The following CERKL variants were observed in gnomAD, a reference collection of about 807,000 sequenced individuals.
The protein encoded by CERKL is ceramide kinase-like protein.
A neutral mutation model predicts 63.4 loss-of-function variants in CERKL; 61 were observed. The ratio of observed to expected loss-of-function variants is 0.96; its 90% CI spans 0.78 to 1.19. CERKL has a LOEUF of 1.19. Ranked by LOEUF, CERKL falls within the 50% of genes most tolerant of loss-of-function variation. The pLI, the probability that CERKL is intolerant of heterozygous loss-of-function variation, is 0.00. For synonymous variants in CERKL, 250 were observed against 230.5 expected (o/e 1.08, Z -0.77); for missense variants, 675 against 655.5 (o/e 1.03, Z -0.33).
chr2:181,631,653 C>T (rs1686962808), intron 1 of CERKL, among the ~76,000 whole-genome samples: 1 of 152,130 alleles, frequency 6.6e-6, no homozygotes, highest in African/African-American at 2.4e-5. Flanking sequence ...TGAGGAAGGT[C>T]CCATATGGAG....
At chr2:181,554,431 A>G (rs998043698) in intron 5 of CERKL, among the ~76,000 whole-genome samples, 3 of 152,176 alleles carry the variant, frequency 2.0e-5, no homozygotes, top group African/African-American at 4.8e-5. Flanking sequence ...ATTGGAAAGC[A>G]TGAATTTATT....
intron 1 of CERKL, among the ~76,000 whole-genome samples, chr2:181,610,703 CACA>C (rs1277128827): frequency 1.3e-5 from 2 of 152,100 alleles, no homozygotes; most frequent in African/African-American, 2.4e-5. Context: ...GTGGAAAACA[CACA>C]ACAAATTTAA....
intron 3 of CERKL, among the ~76,000 whole-genome samples, chr2:181,568,869 T>A (rs1210309799): frequency 1.4e-5 from 2 of 138,450 alleles, no homozygotes; most frequent in Non-Finnish European, 3.1e-5. Flanking sequence ...CAGAGTGTGA[T>A]ATTCCCCTTC....
intron 1 of CERKL, among the ~76,000 whole-genome samples, chr2:181,631,462 C>G (rs768107881): frequency 2.0e-5 from 3 of 152,062 alleles, no homozygotes; most frequent in Non-Finnish European, 4.4e-5. Flanking sequence ...AGAAAAATGG[C>G]CCTTTAACCA....
intron 2 of CERKL, among the ~76,000 whole-genome samples, chr2:181,596,004 T>A (rs1197723211): frequency 1.3e-5 from 2 of 152,190 alleles, no homozygotes; most frequent in Non-Finnish European, 2.9e-5. Context: ...CATGTTAACT[T>A]ATTTAACAGC....
intron 1 of CERKL, among the ~76,000 whole-genome samples, chr2:181,646,607 A>G (rs997363862): frequency 1.3e-5 from 2 of 152,240 alleles, no homozygotes; most frequent in African/African-American, 4.8e-5. Flanking sequence ...AATGAGGAAC[A>G]GCAGATCAGA....
chr2:181,606,028 T>C (rs1228080266), intron 1 of CERKL, among the ~76,000 whole-genome samples: 1 of 126,544 alleles, frequency 7.9e-6, no homozygotes, highest in Non-Finnish European at 1.7e-5. Flanking sequence ...ATGGAAGGAA[T>C]GAAAGAGAGA....
chr2:181,547,663 G>C lies in CERKL; in HGVS notation c.1223C>G (p.Pro408Arg). The C allele has an allele frequency of 6.2e-7, 1 of 1,614,002 alleles. No individual in the cohort carries two copies. Among genetic ancestry groups the C allele is most frequent in the Non-Finnish European group, 8.5e-7 (1 of 1,179,922 alleles). ...TCTAGGTGCCACTGAACACAGGCAA[G>C]GAATTGCCATAATGCTGACATTCAA... is the stretch of plus-strand genomic sequence containing the variant. ...QFLNVSIMAIPCLCSVAPRGL... is the reference protein window; with the variant it reads ...QFLNVSIMAIRCLCSVAPRGL... Residue 408 changes from proline to arginine, a missense_variant, in exon 10 of 13, where the codon CCT (proline) becomes CGT (arginine). Physicochemically the swap from Pro to Arg is moderately radical, Grantham distance 103 (BLOSUM62 -2). Transcript: ENST00000410087.
At chr2:181,643,987 A>G (rs1312849910) in intron 1 of CERKL, among the ~76,000 whole-genome samples, 3 of 152,214 alleles carry the variant, frequency 2.0e-5, no homozygotes, top group Non-Finnish European at 4.4e-5. Context: ...ATGTCCCAAA[A>G]GTTTTTCCTT....
intron 2 of CERKL, chr2:181,603,592 G>T: frequency 2.1e-6 from 1 of 479,880 alleles, no homozygotes; most frequent in South Asian, 2.0e-5. Flanking sequence ...ATGCAAGGAT[G>T]TTAAACATAT....
intron 7 of CERKL, 30 bp from the exon 8 acceptor site, chr2:181,548,634 G>T (rs1574436938): frequency 2.5e-6 from 4 of 1,611,378 alleles, no homozygotes; most frequent in Non-Finnish European, 2.5e-6. Context: ...GTTATTAACA[G>T]TCATTGAACC....
At chr2:181,638,701 T>C (rs539474860) in intron 1 of CERKL, among the ~76,000 whole-genome samples, 1 of 152,004 alleles carries the variant, frequency 6.6e-6, no homozygotes, top group Non-Finnish European at 1.5e-5. Context: ...TTCAGAGGAG[T>C]TGAGGTCCTA....
chr2:181,537,268 A>C lies in CERKL; in HGVS notation c.*916T>G, dbSNP rs1416683494. The C allele has an allele frequency of 2.2e-6, 1 of 453,690 alleles. No individual in the cohort carries two copies. Among genetic ancestry groups the C allele is most frequent in the Admixed American group, 2.4e-5 (1 of 42,532 alleles). The allele number at this position is 453,690 out of a possible 1,614,324, so 28.1% of individuals were successfully genotyped here. On this transcript the variant is annotated 3_prime_UTR_variant, in exon 13 of 13. Transcript: ENST00000410087. ...ATTTACATTTGGTTCTTTCCTACTC[A>C]GAACTACTCAGAAACAACTATATAT...
chr2:181,632,321 C>T (rs1428129746), intron 1 of CERKL, among the ~76,000 whole-genome samples: 1 of 152,130 alleles, frequency 6.6e-6, no homozygotes, highest in Non-Finnish European at 1.5e-5. Flanking sequence ...AATCCCTTAA[C>T]ACTGGGATTT....
chr2:181,548,521 G>A (rs1247509105), intron 8 of CERKL, 24 bp downstream of exon 8: 1 of 1,492,960 alleles, frequency 6.7e-7, no homozygotes, highest in South Asian at 1.1e-5. Flanking sequence ...CAGGTTATCT[G>A]TATTACATTG....
Position 181,558,802 on chromosome 2 carries a change from T to A in CERKL, c.678-94A>T. On this transcript the variant is annotated intron_variant, in intron 4 of 12. Transcript: ENST00000410087. The surrounding 1 kb of genome is among the most constrained non-coding windows in gnomAD (Gnocchi z 4.2). ...GACTTCAAAATAGTTTACTAATTTGTAGTCTATGTGCATAACTGCTCACAT... is the reference window on the plus strand; with the variant it reads ...GACTTCAAAATAGTTTACTAATTTGAAGTCTATGTGCATAACTGCTCACAT... 1.6e-6 allele frequency: 2 copies of A among 1,283,754 alleles called. No homozygotes were observed. The highest frequency in any genetic ancestry group is 2.2e-6 in the Non-Finnish European group (2 of 895,324). The allele number at this position is 1,283,754 out of a possible 1,614,324, so 79.5% of individuals were successfully genotyped here. A position where few individuals can be genotyped will look rare whatever the true frequency, so the allele number is the denominator to read the frequency against.
chr2:181,641,320 TATATATATATATATATATATATATAC>T (rs1429333779), intron 1 of CERKL, among the ~76,000 whole-genome samples: 13 of 10,040 alleles, frequency 1.3e-3, no homozygotes, highest in Admixed American at 1.7e-3. Context: ...TATATATATA[TATATATATATATATATATATATATAC>T]ATATATATAC....
chr2:181,574,993 C>A (rs1689067822), intron 2 of CERKL, among the ~76,000 whole-genome samples: 1 of 152,146 alleles, frequency 6.6e-6, no homozygotes, highest in African/African-American at 2.4e-5. Context: ...TGGTAAGAAG[C>A]CTGCATCAGC....
At chr2:181,652,779 CTTT>C (rs35879462) in intron 1 of CERKL, among the ~76,000 whole-genome samples, 3 of 142,498 alleles carry the variant, frequency 2.1e-5, no homozygotes, top group Admixed American at 7.0e-5. Flanking sequence ...ATAATAATGA[CTTT>C]TTTTTTTTTT....
Sources: gnomAD v4.1 joint callset for allele counts (sites outside exome capture counted in the v4.1 genomes callset) on GRCh38, gnomAD v4.1.1 for gene constraint, Gnocchi (gnomAD v3.1) non-coding constraint, MANE v1.5 for transcripts, NCBI Gene and HGNC (gene_info 2026-07-23, HGNC 2026-07-21) for gene names.